MPP2: variants seen among roughly 807,000 people sequenced by gnomAD.
MPP2 encodes the protein MAGUK p55 scaffold protein 2, also known as MAGUK p55 subfamily member 2.
Under a neutral mutation model 58.5 loss-of-function variants are expected in MPP2, and 42 were observed. The ratio of observed to expected loss-of-function variants is 0.72; its 90% CI spans 0.56 to 0.93. The LOEUF is 0.93. MPP2 is among the 40% of genes least tolerant of loss of function. The pLI, the probability that MPP2 is intolerant of heterozygous loss-of-function variation, is 0.00. For synonymous variants in MPP2, 300 were observed against 307.8 expected (o/e 0.97, Z 0.26); for missense variants, 632 against 760.4 (o/e 0.83, Z 1.99).
intron 3 of MPP2, among the ~76,000 whole-genome samples, chr17:43,891,514 C>CA (rs779016006): frequency 0.028 from 3,652 of 132,666 alleles, 72 homozygotes; most frequent in African/African-American, 0.059. Context: ...GACTCCGTCT[C>CA]AAAAAAAAAA....
intron 6 of MPP2, among the ~76,000 whole-genome samples, chr17:43,882,056 C>A (rs1021339636): frequency 1.3e-5 from 2 of 152,218 alleles, no homozygotes; most frequent in Non-Finnish European, 2.9e-5. Context: ...ACACTTGTAC[C>A]CCAGGCTGTG....
intron 3 of MPP2, among the ~76,000 whole-genome samples, chr17:43,892,968 G>A (rs2143680767): frequency 6.6e-6 from 1 of 152,138 alleles, no homozygotes; most frequent in African/African-American, 2.4e-5. Flanking sequence ...TGTGGCGAGT[G>A]CAAAATAGGT....
chr17:43,878,455 C>T (rs554180219), intron 12 of MPP2, among the ~76,000 whole-genome samples: 1 of 152,244 alleles, frequency 6.6e-6, no homozygotes, highest in East Asian at 1.9e-4. Flanking sequence ...CCACCCTCGA[C>T]CCAGTGGAAG....
chr17:43,877,777 CAG>C lies in MPP2; in HGVS notation c.*28_*29del, dbSNP rs2046908195. The C allele has an allele frequency of 1.9e-6, 3 of 1,595,510 alleles. No homozygotes were observed. Among genetic ancestry groups the C allele is most frequent in the South Asian group, 1.1e-5 (1 of 90,218 alleles). On this transcript the variant is annotated 3_prime_UTR_variant, in exon 13 of 13. Transcript: ENST00000269095. ...TGGATTCAGGTTCTGGGTTTCAACA[CAG>C]AGTGAGCCAAAGACCAGGTGAACAG... is the stretch of plus-strand genomic sequence containing the variant.
chr17:43,877,963 T>C lies in MPP2; in HGVS notation c.1503A>G (p.Thr501=), dbSNP rs200318278. The change falls in exon 13 of 13, where the codon ACA becomes ACG. Residue 501 remains threonine, a synonymous_variant. Transcript: ENST00000269095. ...GCTGGATGCGGCTGCTCTCCTCCAC[T>C]GTCCGTCTCAGGTCCGCCTCCTGCC... ...KQLTEADLRR[T]VEESSRIQRG... The C allele has an allele frequency of 1.1e-4, 179 of 1,613,450 alleles. No individual in the cohort carries two copies. The highest frequency in any genetic ancestry group is 1.4e-4 in the Non-Finnish European group (164 of 1,179,774).
At position 43,878,045 on chromosome 17, in the gene MPP2, A is replaced by T. The variant is rs2046925928; in HGVS notation, c.1483-62T>A. 2.0e-6 allele frequency: 3 copies of T among 1,529,848 alleles called. No individual in the cohort carries two copies. The South Asian group carries it at 3.7e-5, about 19-fold the overall frequency. 94.8% of individuals were successfully genotyped at this position (1,529,848 alleles called of 1,614,324 possible). On this transcript the variant is annotated intron_variant, in intron 12 of 12. Transcript: ENST00000269095. ...CCCACAACTCACCCCCACTGTCAGAAGGAGCTACAGCTGCCCCCACTCCCC... is the reference window on the plus strand; with the variant it reads ...CCCACAACTCACCCCCACTGTCAGATGGAGCTACAGCTGCCCCCACTCCCC...
chr17:43,898,112 C>T (rs1261960896), intron 3 of MPP2, 150 bp downstream of exon 3: 2 of 669,086 alleles, frequency 3.0e-6, no homozygotes, highest in East Asian at 2.6e-5. Flanking sequence ...CAGGTCATCA[C>T]CTGGGCATGA....
chr17:43,904,343 T>G, intron 2 of MPP2, 87 bp downstream of exon 2: 1 of 1,300,000 alleles, frequency 7.7e-7, no homozygotes, highest in South Asian at 1.2e-5. Flanking sequence ...GGTTCTTATC[T>G]GGAGCTGTGC....
In MPP2 at chr17:43,883,064, T is replaced by C; in HGVS notation, c.304-12A>G. 6.2e-7 allele frequency: 1 copy of C among 1,606,388 alleles called. No homozygotes were observed. The highest frequency in any genetic ancestry group is 8.5e-7 in the Non-Finnish European group (1 of 1,176,358). On this transcript the variant is annotated splice_polypyrimidine_tract_variant and intron_variant, in intron 4 of 12. Coordinates refer to ENST00000269095, the MANE Select transcript of MPP2 (RefSeq NM_005374.5). ...GTCTCCAGGAGGGACTGGGGGGTGG[T>C]GGGAAGAGAAGGGACAATGGGGCAG...
rs1222724276 is a variant in MPP2, at chr17:43,881,452, G to A, written c.813+6C>T. 1 of 1,614,080 alleles carries A rather than the reference G, an allele frequency of 6.2e-7. No individual in the cohort carries two copies. Among genetic ancestry groups the A allele is most frequent in the Non-Finnish European group, 8.5e-7 (1 of 1,179,988 alleles). On this transcript the variant is annotated splice_donor_region_variant and intron_variant, in intron 7 of 12. Transcript: ENST00000269095. ...CTGGAGAGATGCGGGGGTGCCCGCA[G>A]CTCACCTGCCACCAGTTGGCATCAT... is the stretch of plus-strand genomic sequence containing the variant.
intron 3 of MPP2, among the ~76,000 whole-genome samples, chr17:43,895,148 C>T (rs1015019812): frequency 8.6e-5 from 13 of 151,868 alleles, no homozygotes; most frequent in African/African-American, 2.7e-4. Flanking sequence ...GTGTCTCACT[C>T]GGTCACCCAG....
upstream of MPP2, chr17:43,909,514 A>C (rs1289146002): frequency 2.5e-5 from 32 of 1,301,666 alleles, no homozygotes; most frequent in Non-Finnish European, 3.0e-5. Flanking sequence ...ACAAGATATT[A>C]ATTACTTCTT....
chr17:43,875,562 A>T lies in MPP2; in HGVS notation c.*2245T>A, dbSNP rs2046783810. The T allele has an allele frequency of 6.6e-6, 1 of 151,210 alleles. No individual in the cohort carries two copies. The highest frequency in any genetic ancestry group is 2.5e-5 in the African/African-American group (1 of 40,438). 9.4% of individuals were successfully genotyped at this position (151,210 alleles called of 1,614,324 possible). On this transcript the variant is annotated 3_prime_UTR_variant, in exon 13 of 13. Coordinates refer to ENST00000269095, the MANE Select transcript of MPP2 (RefSeq NM_005374.5). ...GCAGGGAGGGAGAACAGAGTCATAG[A>T]GCTGTGGTGGGGGCACACACCTGTT...
At chr17:43,902,691 T>C (rs2048142829) in intron 2 of MPP2, among the ~76,000 whole-genome samples, 1 of 152,064 alleles carries the variant, frequency 6.6e-6, no homozygotes, top group Non-Finnish European at 1.5e-5. Flanking sequence ...CTACCCAAAG[T>C]GGCAGCCCTG....
At position 43,876,141 on chromosome 17, in the gene MPP2, T is replaced by A. The variant is rs1057439218; in HGVS notation, c.*1666A>T. ...ATGCAAATGCAAATGAGATTCCTAG[T>A]ATAAGAAATATATTCTAACATTTGT... On this transcript the variant is annotated 3_prime_UTR_variant, in exon 13 of 13. Coordinates refer to ENST00000269095, the MANE Select transcript of MPP2 (RefSeq NM_005374.5). The A allele has an allele frequency of 6.6e-6, 1 of 152,628 alleles. No individual in the cohort carries two copies. The highest frequency in any genetic ancestry group is 2.4e-5 in the African/African-American group (1 of 41,440). The allele number at this position is 152,628 out of a possible 1,614,324, so 9.5% of individuals were successfully genotyped here.
At chr17:43,907,735 C>A (rs931939604), upstream of MPP2, 16 of 985,372 alleles carry the variant, frequency 1.6e-5, no homozygotes, top group Admixed American at 8.6e-4. Flanking sequence ...TGCTGGAGTC[C>A]CACTGGGAAG....
At position 43,882,442 on chromosome 17, in the gene MPP2, G is replaced by C. The variant is rs919342897; in HGVS notation, c.523C>G (p.Gln175Glu). ...TCACCCACATGCAGCAGGCCTTGTT[G>C]AGCCACCATGCCCCCATGCAGAATG... ...ARILHGGMVAQQGLLHVGDII... is the reference protein window; with the variant it reads ...ARILHGGMVAEQGLLHVGDII... The change falls in exon 6 of 13, where the codon CAA becomes GAA. Residue 175 changes from glutamine to glutamate, a missense_variant. Physicochemically the swap from Gln to Glu is conservative, Grantham distance 29. Transcript: ENST00000269095. The C allele has an allele frequency of 8.7e-6, 14 of 1,608,870 alleles. No individual in the cohort carries two copies. Among genetic ancestry groups the C allele is most frequent in the Non-Finnish European group, 1.2e-5 (14 of 1,179,968 alleles).
At chr17:43,901,976 G>A (rs968068988) in intron 2 of MPP2, among the ~76,000 whole-genome samples, 2 of 152,142 alleles carry the variant, frequency 1.3e-5, no homozygotes, top group South Asian at 2.1e-4. Flanking sequence ...CCCAGGGGAG[G>A]AGGAGGGAAG....
chr17:43,904,510 G>A lies in MPP2; in HGVS notation c.-33-17C>T. On this transcript the variant is annotated splice_polypyrimidine_tract_variant and intron_variant, in intron 1 of 12. Transcript: ENST00000269095. ...ACGTCTCTCCTGGAGAGGGGAGAGA[G>A]GAGGATGAGCAGATACAAGGGCAAA... 1 of 1,612,084 alleles carries A rather than the reference G, an allele frequency of 6.2e-7. No individual in the cohort carries two copies. Among genetic ancestry groups the A allele is most frequent in the Non-Finnish European group, 8.5e-7 (1 of 1,178,354 alleles).
Sources: allele counts gnomAD v4.1 joint callset (sites outside exome capture counted in the v4.1 genomes callset), GRCh38; gene constraint gnomAD v4.1.1; transcripts MANE v1.5; gene names NCBI Gene and HGNC (gene_info 2026-07-23, HGNC 2026-07-21).